The following EIF3E variants were observed in gnomAD, a reference collection of about 807,000 sequenced individuals.
EIF3E encodes eukaryotic translation initiation factor 3 subunit E.
EIF3E carries 25 observed loss-of-function variants against 59.3 expected under a neutral mutation model. That is an observed-to-expected ratio of 0.42 (90% confidence interval 0.31 to 0.59). EIF3E has a LOEUF of 0.59. EIF3E is among the 20% of genes least tolerant of loss of function. The pLI, the probability that EIF3E is intolerant of heterozygous loss-of-function variation, is 0.15. For synonymous variants in EIF3E, 176 were observed against 170.2 expected (o/e 1.03, Z -0.26); for missense variants, 317 against 534.3 (o/e 0.59, Z 4.01).
intron 11 of EIF3E, 56 bp from the exon 12 acceptor site, chr8:108,203,173 G>GT (rs1316373407): frequency 1.3e-6 from 2 of 1,580,732 alleles, no homozygotes; most frequent in African/African-American, 2.7e-5. Flanking sequence ...AGTTTCTCAG[G>GT]TAAGTAAAAA....
chr8:108,209,029 T>G (rs1815158411), intron 10 of EIF3E, among the ~76,000 whole-genome samples: 1 of 152,182 alleles, frequency 6.6e-6, no homozygotes, highest in South Asian at 2.1e-4. Flanking sequence ...TTTATAAAGC[T>G]GACTATCACA....
At chr8:108,226,067 A>T (rs942702851) in intron 7 of EIF3E, 1 of 152,194 alleles carries the variant, frequency 6.6e-6, no homozygotes. Flanking sequence ...TGAGAAAGAA[A>T]ATTGTTTCAT....
chr8:108,246,295 G>T (rs1000208816), intron 1 of EIF3E, among the ~76,000 whole-genome samples: 10 of 139,188 alleles, frequency 7.2e-5, no homozygotes, highest in East Asian at 2.3e-4. Context: ...GGGGGGGGGG[G>T]GCTGCTGTAT....
rs1298855791 is a variant in EIF3E at position 108,217,352 on chromosome 8, T to C, written c.831A>G (p.Leu277=). Reference sequence around the variant, plus strand: ...GTTTTACCTGTTGAATAACTTTAACTAGATCTTTTAGAACCTGCCGACGTT... The same window carrying C: ...GTTTTACCTGTTGAATAACTTTAACCAGATCTTTTAGAACCTGCCGACGTT... ...VRKRRQVLKD[L]VKVIQQESYT... The change falls in exon 8 of 13, where the codon CTA becomes CTG. Residue 277 remains leucine (L), a synonymous_variant. Coordinates refer to ENST00000220849, the MANE Select transcript of EIF3E (RefSeq NM_001568.3). 1.3e-6 allele frequency: 2 copies of C among 1,560,286 alleles called. No individual in the cohort carries two copies. Among genetic ancestry groups the C allele is most frequent in the Non-Finnish European group, 8.7e-7 (1 of 1,152,322 alleles).
intron 7 of EIF3E, among the ~76,000 whole-genome samples, chr8:108,221,808 A>G (rs913938908): frequency 2.0e-5 from 3 of 151,152 alleles, no homozygotes; most frequent in African/African-American, 4.8e-5. Context: ...ACACACACGC[A>G]CACACACACA....
intron 10 of EIF3E, among the ~76,000 whole-genome samples, chr8:108,208,132 C>T (rs1254187356): frequency 6.6e-6 from 1 of 152,148 alleles, no homozygotes; most frequent in Non-Finnish European, 1.5e-5. Flanking sequence ...TAGCCACCAT[C>T]TTCCCCCAAC....
In EIF3E at chr8:108,228,244, A is replaced by T. The variant is rs57222183; in HGVS notation, c.722+23T>A. 10,916 of 1,560,580 alleles carry T rather than the reference A, an allele frequency of 7.0e-3. 555 individuals carry two copies. In the African/African-American group the frequency reaches 0.12, roughly 17 times the overall value. ...TGTAATTTTATCTAAACAAAGCCAA[A>T]ATTACACAGTGAAATAACTTACTGT... On this transcript the variant is annotated intron_variant, in intron 7 of 12. Transcript: ENST00000220849.
chr8:108,214,013 T>C (rs1815258852), intron 10 of EIF3E, among the ~76,000 whole-genome samples: 1 of 152,226 alleles, frequency 6.6e-6, no homozygotes, highest in Middle Eastern at 3.2e-3. Flanking sequence ...CACTAGTCAT[T>C]TTTCAAACTG....
At chr8:108,239,174 A>T (rs1186842350) in intron 3 of EIF3E, among the ~76,000 whole-genome samples, 1 of 152,080 alleles carries the variant, frequency 6.6e-6, no homozygotes, top group African/African-American at 2.4e-5. Flanking sequence ...GCCCAAGCAC[A>T]GGGTTTCTTT....
At chr8:108,210,283 C>T (rs764370304) in intron 10 of EIF3E, among the ~76,000 whole-genome samples, 6 of 152,090 alleles carry the variant, frequency 3.9e-5, no homozygotes, top group Non-Finnish European at 7.4e-5. Flanking sequence ...AAAGAATCAC[C>T]TGAGAAGCTT....
intron 10 of EIF3E, among the ~76,000 whole-genome samples, chr8:108,212,586 G>A (rs935989867): frequency 5.3e-5 from 8 of 152,220 alleles, no homozygotes; most frequent in African/African-American, 1.9e-4. Flanking sequence ...GAGATCACTT[G>A]AGGCCAGGAG....
intron 8 of EIF3E, 125 bp from the exon 9 acceptor site, chr8:108,216,638 A>T (rs540969285): frequency 2.9e-6 from 2 of 681,784 alleles, no homozygotes; most frequent in Admixed American, 3.2e-5. Context: ...ATTACCTAGC[A>T]TCTTCCCAAA....
intron 10 of EIF3E, among the ~76,000 whole-genome samples, chr8:108,210,804 T>A (rs1368119233): frequency 6.6e-6 from 1 of 151,492 alleles, no homozygotes; most frequent in Non-Finnish European, 1.5e-5. Flanking sequence ...TGTCCAAGTG[T>A]TCTCATTGTT....
intron 7 of EIF3E, chr8:108,227,481 T>C (rs1330769815): frequency 6.6e-6 from 1 of 152,168 alleles, no homozygotes; most frequent in Non-Finnish European, 1.5e-5. Context: ...CTGTAATCTA[T>C]AAAGTTTAGA....
chr8:108,226,656 T>C (rs924726760), intron 7 of EIF3E, among the ~76,000 whole-genome samples: 1 of 152,236 alleles, frequency 6.6e-6, no homozygotes, highest in African/African-American at 2.4e-5. Context: ...ACTTTAATGT[T>C]TGAGGAGGAA....
Position 108,202,966 on chromosome 8 carries a change from A to C in EIF3E, c.1299+17T>G. 6.2e-7 allele frequency: 1 copy of C among 1,607,688 alleles called. No homozygotes were observed. Among genetic ancestry groups the C allele is most frequent in the South Asian group, 1.1e-5 (1 of 90,346 alleles). On this transcript the variant is annotated intron_variant, in intron 12 of 12. Transcript: ENST00000220849. The stretch of plus-strand genomic sequence containing the variant: ...GTTGCTAAACCCCAGACAGAATAGA[A>C]GATGTGTGGTTCTTACCTCTGACCT...
intron 10 of EIF3E, among the ~76,000 whole-genome samples, chr8:108,213,525 A>G (rs1418931180): frequency 6.6e-6 from 1 of 152,206 alleles, no homozygotes; most frequent in African/African-American, 2.4e-5. Flanking sequence ...CTAATGAGAA[A>G]TGGAGAAAAT....
At chr8:108,229,295 C>T in intron 5 of EIF3E, 100 bp from the exon 6 acceptor site, 1 of 1,158,148 alleles carries the variant, frequency 8.6e-7, no homozygotes, top group African/African-American at 1.6e-5. Context: ...ACTAAAAGAC[C>T]TATAGCTTTC....
At position 108,220,028 on chromosome 8, in the gene EIF3E, T is replaced by C. The variant is rs183188377; in HGVS notation, c.723-2568A>G. The stretch of plus-strand genomic sequence containing the variant: ...TGTGGAGGCAGGCACCTGTAATCCC[T>C]GCTACTCAGGAGGCTGAGGCAAGAG... On this transcript the variant is annotated intron_variant, in intron 7 of 12. Transcript: ENST00000220849. Among the ~76,000 whole-genome samples the C allele has an allele frequency of 1.4e-4, 21 of 151,728 alleles. No individual in the cohort carries two copies. In the East Asian group the frequency reaches 4.1e-3, roughly 30 times the overall value.
Sources: allele counts gnomAD v4.1 joint callset (sites outside exome capture counted in the v4.1 genomes callset), GRCh38; gene constraint gnomAD v4.1.1; transcripts MANE v1.5; gene names NCBI Gene and HGNC (gene_info 2026-07-23, HGNC 2026-07-21).